Variants in MCTP1 observed in about 807,000 individuals in gnomAD.
MCTP1 encodes multiple C2 and transmembrane domain-containing protein 1.
In MCTP1, 69 loss-of-function variants were observed where a neutral mutation model predicts 120.6. The ratio of observed to expected loss-of-function variants is 0.57; its 90% CI spans 0.47 to 0.70. The LOEUF is 0.70. MCTP1 is among the 30% of genes least tolerant of loss of function. MCTP1 has a pLI of 0.00. For synonymous variants in MCTP1, 529 were observed against 493.1 expected, an observed-to-expected ratio of 1.07 and a Z score of -0.96; for missense variants, 1,203 against 1,248.8, an observed-to-expected ratio of 0.96 and a Z score of 0.55.
chr5:95,226,269 C>T (rs752953803), intron 1 of MCTP1, among the ~76,000 whole-genome samples: 3 of 152,082 alleles, frequency 2.0e-5, no homozygotes, highest in Non-Finnish European at 2.9e-5. Context: ...TGGGGGAAAG[C>T]ATGTTGTATA....
chr5:94,909,447 A>G, intron 9 of MCTP1, 66 bp from the exon 10 acceptor site: 1 of 1,498,226 alleles, frequency 6.7e-7, no homozygotes, highest in Non-Finnish European at 9.0e-7. Context: ...AACCTGAGAC[A>G]CTAAATCAAA....
At chr5:94,753,933 A>T (rs1303606135) in intron 19 of MCTP1, among the ~76,000 whole-genome samples, 1 of 152,216 alleles carries the variant, frequency 6.6e-6, no homozygotes, top group Non-Finnish European at 1.5e-5. Flanking sequence ...TGAAATAATT[A>T]CAAAATATGT....
intron 1 of MCTP1, among the ~76,000 whole-genome samples, chr5:95,199,259 C>A (rs1750730664): frequency 6.6e-6 from 1 of 152,020 alleles, no homozygotes; most frequent in African/African-American, 2.4e-5. Flanking sequence ...AATTTTAATG[C>A]AATCCAAAAA....
Position 94,918,554 on chromosome 5 carries a change from G to A in MCTP1, c.1273-581C>T, listed in dbSNP as rs189473112. On this transcript the variant is annotated intron_variant, in intron 7 of 22. Transcript: ENST00000515393. ...AACCCAAAGATCCCTTCACTACCAA[G>A]ACCAAGAGTAGCAAGAGATGGATTA... 1.8e-3 allele frequency among the ~76,000 whole-genome samples: 275 copies of A among 152,202 alleles called. 1 individual carries two copies. The highest frequency in any genetic ancestry group is 0.01 in the Middle Eastern group (3 of 294).
chr5:94,747,221 A>T (rs1767100451), intron 19 of MCTP1, among the ~76,000 whole-genome samples: 1 of 152,102 alleles, frequency 6.6e-6, no homozygotes, highest in African/African-American at 2.4e-5. Context: ...GTAATGGAAA[A>T]CTGATTGCTA....
intron 1 of MCTP1, among the ~76,000 whole-genome samples, chr5:95,226,654 G>GT (rs1275442958): frequency 1.3e-5 from 2 of 150,000 alleles, no homozygotes; most frequent in Admixed American, 6.6e-5. Flanking sequence ...AGAATATTTT[G>GT]TTTAAGTTCA....
chr5:94,825,062 A>G (rs1045458652), intron 17 of MCTP1, among the ~76,000 whole-genome samples: 7 of 151,722 alleles, frequency 4.6e-5, no homozygotes, highest in African/African-American at 1.7e-4. Context: ...GATCTTAGTT[A>G]TTTCTTGTCT....
intron 6 of MCTP1, among the ~76,000 whole-genome samples, chr5:94,925,063 A>G (rs1319045110): frequency 6.6e-6 from 1 of 152,190 alleles, no homozygotes; most frequent in Non-Finnish European, 1.5e-5. Flanking sequence ...TTTATATTTC[A>G]TTTTACAACC....
intron 1 of MCTP1, among the ~76,000 whole-genome samples, chr5:95,132,421 AT>A (rs891905146): frequency 2.0e-5 from 3 of 152,192 alleles, no homozygotes; most frequent in African/African-American, 7.2e-5. Flanking sequence ...ACAAACAACT[AT>A]TTTTTTCCAA....
chr5:95,227,571 G>A (rs1754426118), intron 1 of MCTP1, among the ~76,000 whole-genome samples: 1 of 152,080 alleles, frequency 6.6e-6, no homozygotes, highest in Admixed American at 6.6e-5. Context: ...AACTTTATAG[G>A]AATCATAGGA....
Position 95,148,315 on chromosome 5 carries a change from C to A in MCTP1, c.721-130831G>T, listed in dbSNP as rs1760597148. 4.9e-5 allele frequency among the ~76,000 whole-genome samples: 3 copies of A among 60,688 alleles called. No individual in the cohort carries two copies. In the South Asian group the frequency reaches 1.6e-3, roughly 33 times the overall value. The allele number at this position is 60,688 out of a possible 152,430, so 39.8% of individuals were successfully genotyped here. On this transcript the variant is annotated intron_variant, in intron 1 of 22. Coordinates refer to ENST00000515393, the MANE Select transcript of MCTP1 (RefSeq NM_024717.7). ...AAGTATGTTTTCCAAGTTGCTTACT[C>A]TCTCTCCTTTCTCAGGAATGCCAAT...
intron 7 of MCTP1, among the ~76,000 whole-genome samples, chr5:94,921,861 A>T (rs908068777): frequency 3.3e-5 from 5 of 152,256 alleles, no homozygotes; most frequent in Non-Finnish European, 7.3e-5. Flanking sequence ...TCAATTAAAA[A>T]TAACAGGCTA....
chr5:95,282,513 C>A (rs1315460297), intron 1 of MCTP1, among the ~76,000 whole-genome samples: 1 of 152,096 alleles, frequency 6.6e-6, no homozygotes, highest in Non-Finnish European at 1.5e-5. Flanking sequence ...ATATAGTATT[C>A]ATCTATACTG....
intron 1 of MCTP1, among the ~76,000 whole-genome samples, chr5:95,194,397 T>C (rs1365022357): frequency 3.3e-5 from 5 of 152,096 alleles, no homozygotes; most frequent in Non-Finnish European, 5.9e-5. Context: ...TTACCTGCCA[T>C]GGTGAACGGG....
At chr5:94,771,771 A>G (rs919769619) in intron 19 of MCTP1, among the ~76,000 whole-genome samples, 2 of 152,214 alleles carry the variant, frequency 1.3e-5, no homozygotes, top group Non-Finnish European at 2.9e-5. Flanking sequence ...AGTTACCTGT[A>G]CTAGTTTCCT....
intron 1 of MCTP1, among the ~76,000 whole-genome samples, chr5:95,177,632 A>T (rs1159731996): frequency 6.6e-6 from 1 of 152,222 alleles, no homozygotes; most frequent in Non-Finnish European, 1.5e-5. Context: ...ACATGCAGTG[A>T]AAGGAGTAAC....
At chr5:94,934,127 T>G (rs1815519419) in intron 5 of MCTP1, among the ~76,000 whole-genome samples, 1 of 151,664 alleles carries the variant, frequency 6.6e-6, no homozygotes, top group African/African-American at 2.4e-5. Flanking sequence ...CACTTCCAAG[T>G]CCCTTTTTCT....
intron 19 of MCTP1, among the ~76,000 whole-genome samples, chr5:94,724,246 C>T (rs1047557887): frequency 5.3e-5 from 8 of 151,934 alleles, no homozygotes; most frequent in Non-Finnish European, 1.0e-4. Flanking sequence ...GACTGAAGAA[C>T]CCCCCAACTT....
intron 2 of MCTP1, among the ~76,000 whole-genome samples, chr5:94,966,368 G>A (rs1825603245): frequency 6.6e-6 from 1 of 152,172 alleles, no homozygotes; most frequent in East Asian, 1.9e-4. Context: ...CTATTGACAA[G>A]TATTTATTCT....
Sources: allele counts gnomAD v4.1 joint callset (sites outside exome capture counted in the v4.1 genomes callset), GRCh38; gene constraint gnomAD v4.1.1; transcripts MANE v1.5; gene names NCBI Gene and HGNC (gene_info 2026-07-23, HGNC 2026-07-21).